ZNF827: variants seen among roughly 807,000 people sequenced by gnomAD.
ZNF827 encodes zinc finger protein 827.
A neutral mutation model predicts 102.4 loss-of-function variants in ZNF827; 13 were observed. That is an observed-to-expected ratio of 0.13 (90% CI 0.08 to 0.20). The LOEUF (loss-of-function observed/expected upper bound fraction) is 0.20, where lower values mean the gene tolerates loss of function less well. ZNF827 is among the 10% of genes least tolerant of loss of function. The pLI is 1.00. For synonymous variants in ZNF827, 523 were observed against 536.2 expected, an observed-to-expected ratio of 0.98 and a Z score of 0.34; for missense variants, 1,103 against 1,344.4, an observed-to-expected ratio of 0.82 and a Z score of 2.81.
At chr4:145,887,181 T>C (rs557894436) in intron 3 of ZNF827, among the ~76,000 whole-genome samples, 14 of 152,302 alleles carry the variant, frequency 9.2e-5, no homozygotes, top group African/African-American at 3.4e-4. Flanking sequence ...AAGTGAGTGA[T>C]TGGAACCCAA....
chr4:145,811,223 T>TGGCCTCAAATGTTTGGCC (rs1215809212), intron 8 of ZNF827, among the ~76,000 whole-genome samples: 1 of 152,182 alleles, frequency 6.6e-6, no homozygotes, highest in Admixed American at 6.5e-5. Flanking sequence ...CTCAAACTCC[T>TGGCCTCAAATGTTTGGCC]GGCCTCAAAT....
chr4:145,772,642 T>C (rs1736459644), intron 11 of ZNF827, among the ~76,000 whole-genome samples: 1 of 152,230 alleles, frequency 6.6e-6, no homozygotes, highest in Non-Finnish European at 1.5e-5. Flanking sequence ...CCTGAAAGCC[T>C]AAAATATTTA....
intron 1 of ZNF827, among the ~76,000 whole-genome samples, chr4:145,918,317 A>C (rs577810403): frequency 1.3e-3 from 116 of 87,298 alleles, no homozygotes; most frequent in African/African-American, 3.8e-3. Context: ...CATAAAAACT[A>C]TTCTTAGCTC....
intron 4 of ZNF827, among the ~76,000 whole-genome samples, chr4:145,872,122 T>C (rs908750741): frequency 1.3e-5 from 2 of 152,196 alleles, no homozygotes; most frequent in African/African-American, 4.8e-5. Flanking sequence ...CTTTCATTTT[T>C]CCCTCCAAAT....
intron 1 of ZNF827, among the ~76,000 whole-genome samples, chr4:145,916,025 A>G (rs1752642051): frequency 6.6e-6 from 1 of 152,226 alleles, no homozygotes; most frequent in Non-Finnish European, 1.5e-5. Flanking sequence ...TCCCCTGTAC[A>G]CTGGGGTGGG....
chr4:145,819,258 C>T (rs896273990), intron 8 of ZNF827, among the ~76,000 whole-genome samples: 1 of 152,124 alleles, frequency 6.6e-6, no homozygotes, highest in African/African-American at 2.4e-5. Flanking sequence ...GAGAATTCCA[C>T]GGAGACCCAC....
chr4:145,787,018 C>T (rs922093308), intron 8 of ZNF827, among the ~76,000 whole-genome samples: 2 of 152,162 alleles, frequency 1.3e-5, no homozygotes, highest in Non-Finnish European at 2.9e-5. Flanking sequence ...GTTGCTCATG[C>T]CAGTCCTAAC....
At chr4:145,812,027 G>A (rs761294953) in intron 8 of ZNF827, among the ~76,000 whole-genome samples, 17 of 151,316 alleles carry the variant, frequency 1.1e-4, no homozygotes, top group Non-Finnish European at 2.2e-4. Context: ...CGATTCTCCT[G>A]CCTCAGCCTC....
At chr4:145,779,280 T>C (rs1463785059) in intron 9 of ZNF827, 94 bp downstream of exon 9, 1 of 1,470,308 alleles carries the variant, frequency 6.8e-7, no homozygotes, top group East Asian at 2.4e-5. Context: ...CAGCACTTCC[T>C]GTAATGCCTC....
intron 2 of ZNF827, among the ~76,000 whole-genome samples, chr4:145,895,730 T>A (rs936952471): frequency 6.6e-6 from 1 of 152,198 alleles, no homozygotes; most frequent in African/African-American, 2.4e-5. Context: ...TTTATGATGT[T>A]GTTAACTACT....
intron 8 of ZNF827, among the ~76,000 whole-genome samples, chr4:145,818,075 A>T (rs1742771253): frequency 6.6e-6 from 1 of 152,270 alleles, no homozygotes; most frequent in Non-Finnish European, 1.5e-5. Context: ...AAGTAATTAT[A>T]AATTATTTCA....
intron 2 of ZNF827, among the ~76,000 whole-genome samples, chr4:145,895,062 T>C (rs1000995155): frequency 1.3e-5 from 2 of 152,202 alleles, no homozygotes; most frequent in South Asian, 2.1e-4. Context: ...CAGGCTGTCA[T>C]TGATCCCCAT....
At chr4:145,906,988 T>G in intron 1 of ZNF827, 1 of 441,068 alleles carries the variant, frequency 2.3e-6, no homozygotes, top group Non-Finnish European at 4.5e-6. Flanking sequence ...CCATATAATT[T>G]TAATGCATGG....
intron 1 of ZNF827, among the ~76,000 whole-genome samples, chr4:145,926,349 A>T (rs1168590090): frequency 6.6e-6 from 1 of 152,178 alleles, no homozygotes; most frequent in Admixed American, 6.5e-5. Flanking sequence ...CTCAATAACT[A>T]ATTTCTCATA....
At chr4:145,834,568 T>C (rs1744617207) in intron 7 of ZNF827, among the ~76,000 whole-genome samples, 1 of 152,122 alleles carries the variant, frequency 6.6e-6, no homozygotes, top group Non-Finnish European at 1.5e-5. Context: ...GCCCAGCAAT[T>C]TACTCTTAAA....
At chr4:145,865,852 T>G (rs1748136744) in intron 5 of ZNF827, among the ~76,000 whole-genome samples, 1 of 152,212 alleles carries the variant, frequency 6.6e-6, no homozygotes, top group Non-Finnish European at 1.5e-5. Flanking sequence ...ATGCCCTCAT[T>G]TCTAAATAGA....
At chr4:145,774,711 G>A (rs753621557) in intron 10 of ZNF827, 39 bp from the exon 11 acceptor site, 1 of 1,597,024 alleles carries the variant, frequency 6.3e-7, no homozygotes, top group South Asian at 1.1e-5. Flanking sequence ...GGAGAGAAAA[G>A]GGTGACACAT....
chr4:145,855,191 G>A (rs745535742), intron 5 of ZNF827, among the ~76,000 whole-genome samples: 16 of 152,140 alleles, frequency 1.1e-4, no homozygotes, highest in Non-Finnish European at 2.1e-4. Context: ...ATTCCCTCTC[G>A]ACTGCATGCT....
chr4:145,799,460 A>G (rs1055723635), intron 8 of ZNF827, among the ~76,000 whole-genome samples: 2 of 152,222 alleles, frequency 1.3e-5, no homozygotes, highest in Non-Finnish European at 2.9e-5. Flanking sequence ...ATAGAGTAAA[A>G]TAACAGGCCA....
Sources: allele counts gnomAD v4.1 joint callset (sites outside exome capture counted in the v4.1 genomes callset), GRCh38; gene constraint gnomAD v4.1.1; transcripts MANE v1.5; gene names NCBI Gene and HGNC (gene_info 2026-07-23, HGNC 2026-07-21).